Variants in UNC5B observed in about 807,000 individuals in gnomAD.
UNC5B encodes the protein netrin receptor UNC5B.
A neutral mutation model predicts 103.7 loss-of-function variants in UNC5B; 56 were observed. The observed-to-expected ratio is 0.54, with a 90% CI of 0.44 to 0.67. The LOEUF is 0.67. Among genes scored for constraint, UNC5B ranks in the 30% least tolerant of loss-of-function variants. UNC5B has a pLI of 0.00. For missense variants in UNC5B, 1,194 were observed against 1,284.5 expected (o/e 0.93, Z 1.08); for synonymous variants, 577 against 542.0 (o/e 1.06, Z -0.90).
intron 1 of UNC5B, among the ~76,000 whole-genome samples, chr10:71,246,282 A>G (rs1844033956): frequency 6.6e-6 from 1 of 152,168 alleles, no homozygotes; most frequent in Non-Finnish European, 1.5e-5. Context: ...GGAGGCATGG[A>G]GGTCCCAGAA....
intron 1 of UNC5B, among the ~76,000 whole-genome samples, chr10:71,256,935 C>T (rs749355433): frequency 1.1e-4 from 16 of 152,126 alleles, no homozygotes; most frequent in Non-Finnish European, 1.8e-4. Context: ...AGACCTTGGG[C>T]AGGGTGGGCA....
intron 1 of UNC5B, among the ~76,000 whole-genome samples, chr10:71,252,501 CA>C (rs1408773706): frequency 1.3e-5 from 2 of 152,190 alleles, no homozygotes; most frequent in Non-Finnish European, 2.9e-5. Flanking sequence ...TTGCATTGTA[CA>C]AAAGAGGAAA....
At chr10:71,277,889 C>T (rs980251013) in intron 1 of UNC5B, among the ~76,000 whole-genome samples, 2 of 152,298 alleles carry the variant, frequency 1.3e-5, no homozygotes, top group Admixed American at 1.3e-4. Flanking sequence ...GATGAGAGAG[C>T]CCTGTGGACT....
At chr10:71,228,548 G>A (rs757410354) in intron 1 of UNC5B, among the ~76,000 whole-genome samples, 12 of 152,200 alleles carry the variant, frequency 7.9e-5, no homozygotes, top group Middle Eastern at 3.2e-3. Context: ...TCACAGAAAG[G>A]TGGAAGAAAA....
At chr10:71,246,079 C>T (rs1589162769) in intron 1 of UNC5B, among the ~76,000 whole-genome samples, 1 of 152,086 alleles carries the variant, frequency 6.6e-6, no homozygotes, top group Admixed American at 6.5e-5. Flanking sequence ...TGTCCTCAGG[C>T]AGCTGGTGGC....
chr10:71,284,639 G>A (rs544713364), intron 2 of UNC5B, 81 bp from the exon 3 acceptor site: 47 of 1,590,500 alleles, frequency 3.0e-5, no homozygotes, highest in African/African-American at 4.0e-5. Flanking sequence ...AGCAGGATCC[G>A]AGGTGGAAGG....
intron 2 of UNC5B, among the ~76,000 whole-genome samples, chr10:71,280,502 T>A (rs1486388590): frequency 6.6e-6 from 1 of 152,204 alleles, no homozygotes; most frequent in Non-Finnish European, 1.5e-5. Context: ...TGAAATAAAT[T>A]GTTTTAGGTT....
intron 1 of UNC5B, among the ~76,000 whole-genome samples, chr10:71,271,688 C>T (rs191473288): frequency 6.6e-6 from 1 of 152,214 alleles, no homozygotes; most frequent in African/African-American, 2.4e-5. Flanking sequence ...GGGGCCTCGA[C>T]CCCAGCCTCC....
rs1845546517 is a variant in UNC5B at position 71,299,868 on chromosome 10, T to G, written c.*591T>G. ...CCACAAGGGAAAAGAAAAACCCAGT[T>G]TCTTAGGAAACGCAAACGATTTATT... On this transcript the variant is annotated 3_prime_UTR_variant, in exon 17 of 17. Coordinates refer to ENST00000335350, the MANE Select transcript of UNC5B (RefSeq NM_170744.5). 2 of 152,084 alleles carry G rather than the reference T, an allele frequency of 1.3e-5. No homozygotes were observed. Among genetic ancestry groups the G allele is most frequent in the Non-Finnish European group, 2.9e-5 (2 of 68,016 alleles). The allele number at this position is 152,084 out of a possible 1,614,324, so 9.4% of individuals were successfully genotyped here. A position where few individuals can be genotyped will look rare whatever the true frequency, so the allele number is the denominator to read the frequency against.
intron 1 of UNC5B, among the ~76,000 whole-genome samples, chr10:71,276,561 G>T (rs1321591131): frequency 6.6e-6 from 1 of 152,344 alleles, no homozygotes; most frequent in Middle Eastern, 3.4e-3. Flanking sequence ...AGCCTCCCGA[G>T]TAGCTGGGAT....
At chr10:71,271,927 C>T (rs895061960) in intron 1 of UNC5B, among the ~76,000 whole-genome samples, 17 of 152,256 alleles carry the variant, frequency 1.1e-4, no homozygotes, top group African/African-American at 3.6e-4. Context: ...CCCCCGAGCC[C>T]GCCAGCCCCC....
At chr10:71,222,329 GC>G (rs1843469566) in intron 1 of UNC5B, among the ~76,000 whole-genome samples, 1 of 142,332 alleles carries the variant, frequency 7.0e-6, no homozygotes, top group South Asian at 2.3e-4. Context: ...AGTGGAAAGA[GC>G]CCCAGCCTTT....
At chr10:71,252,421 T>G (rs1009801724) in intron 1 of UNC5B, among the ~76,000 whole-genome samples, 1 of 152,224 alleles carries the variant, frequency 6.6e-6, no homozygotes, top group African/African-American at 2.4e-5. Context: ...CACTGCCTGC[T>G]TCTGTGAGAG....
chr10:71,298,126 C>T (rs1845491389), intron 16 of UNC5B, 36 bp downstream of exon 16: 3 of 1,556,416 alleles, frequency 1.9e-6, no homozygotes, highest in Non-Finnish European at 2.6e-6. Context: ...CCCCATCTGC[C>T]TTCGTCCTCA....
intron 1 of UNC5B, among the ~76,000 whole-genome samples, chr10:71,218,487 T>G (rs1368903371): frequency 1.3e-5 from 2 of 151,516 alleles, no homozygotes; most frequent in Non-Finnish European, 2.9e-5. Flanking sequence ...ACACCTGCAC[T>G]GTGAGCAGGG....
chr10:71,262,741 C>T (rs1281908784), intron 1 of UNC5B, among the ~76,000 whole-genome samples: 1 of 152,128 alleles, frequency 6.6e-6, no homozygotes, highest in Admixed American at 6.5e-5. Flanking sequence ...CTCTAGTCAC[C>T]CCAGTCACTC....
intron 1 of UNC5B, among the ~76,000 whole-genome samples, chr10:71,223,291 C>G (rs369567173): frequency 2.0e-5 from 3 of 152,208 alleles, no homozygotes; most frequent in African/African-American, 7.2e-5. Context: ...AATGAGAACT[C>G]ATGGTCAGGC....
At chr10:71,223,153 T>C (rs1025300623) in intron 1 of UNC5B, among the ~76,000 whole-genome samples, 3 of 152,108 alleles carry the variant, frequency 2.0e-5, no homozygotes, top group African/African-American at 7.2e-5. Context: ...CCAGCATGGA[T>C]TGAAACGACT....
chr10:71,293,310 C>T (rs1808145487), intron 11 of UNC5B, 95 bp from the exon 12 acceptor site: 5 of 1,424,422 alleles, frequency 3.5e-6, no homozygotes, highest in Non-Finnish European at 4.7e-6. Context: ...CTGCCCTCCA[C>T]CTCCCGGGCC....
Sources: gnomAD v4.1 joint callset for allele counts (sites outside exome capture counted in the v4.1 genomes callset) on GRCh38, gnomAD v4.1.1 for gene constraint, MANE v1.5 for transcripts, NCBI Gene and HGNC (gene_info 2026-07-23, HGNC 2026-07-21) for gene names.